The following JADE1 variants were observed in gnomAD, a reference collection of about 807,000 sequenced individuals.
The protein encoded by JADE1 is protein Jade-1.
In JADE1, 14 loss-of-function variants were observed where a neutral mutation model predicts 81.8. That is an observed-to-expected ratio of 0.17 (90% CI 0.11 to 0.27). JADE1 has a LOEUF of 0.27. Among genes scored for constraint, JADE1 ranks in the 10% least tolerant of loss-of-function variants. JADE1 has a pLI of 1.00. For missense variants in JADE1, 690 were observed against 1,047.9 expected (o/e 0.66, Z 4.71); for synonymous variants, 353 against 391.9 (o/e 0.90, Z 1.17).
intron 8 of JADE1, among the ~76,000 whole-genome samples, chr4:128,858,603 A>ATTT (rs201166332): frequency 7.3e-6 from 1 of 137,260 alleles, no homozygotes; most frequent in Non-Finnish European, 1.6e-5. Context: ...TGGTTTTAAA[A>ATTT]TTTTTTTTTT....
At chr4:128,869,602 G>T (rs1732038830) in intron 10 of JADE1, among the ~76,000 whole-genome samples, 3 of 152,190 alleles carry the variant, frequency 2.0e-5, no homozygotes, top group African/African-American at 4.8e-5. Flanking sequence ...ATTGCAGGCA[G>T]GTTTTTGCAT....
chr4:128,840,071 A>G (rs1336816637), intron 2 of JADE1, among the ~76,000 whole-genome samples: 2 of 152,252 alleles, frequency 1.3e-5, no homozygotes, highest in East Asian at 1.9e-4. Context: ...GATACCAAGT[A>G]TGTAGCATCT....
intron 8 of JADE1, among the ~76,000 whole-genome samples, chr4:128,859,335 A>G (rs192300524): frequency 6.2e-4 from 94 of 151,800 alleles, no homozygotes; most frequent in African/African-American, 2.1e-3. Flanking sequence ...TGTATGCTGT[A>G]TGCATGTATG....
At chr4:128,860,968 C>T (rs1014144922) in intron 8 of JADE1, among the ~76,000 whole-genome samples, 30 of 152,162 alleles carry the variant, frequency 2.0e-4, no homozygotes, top group Admixed American at 9.8e-4. Context: ...GTGCTGGATT[C>T]CTCTTGTCTC....
intron 1 of JADE1, among the ~76,000 whole-genome samples, chr4:128,812,744 G>A (rs1322667558): frequency 2.6e-5 from 4 of 152,272 alleles, no homozygotes; most frequent in Non-Finnish European, 5.9e-5. Context: ...TTTAAAAGGA[G>A]CTTTAGCTTG....
intron 8 of JADE1, among the ~76,000 whole-genome samples, chr4:128,860,198 G>A (rs1190424083): frequency 6.6e-6 from 1 of 152,158 alleles, no homozygotes; most frequent in Admixed American, 6.5e-5. Flanking sequence ...AGGTGTGTAT[G>A]TGTGCGTGCT....
At chr4:128,847,232 C>T (rs1729945068) in intron 4 of JADE1, among the ~76,000 whole-genome samples, 1 of 152,212 alleles carries the variant, frequency 6.6e-6, no homozygotes, top group Non-Finnish European at 1.5e-5. Flanking sequence ...GGCTTGAGTG[C>T]CCTCTGTGCT....
intron 1 of JADE1, among the ~76,000 whole-genome samples, chr4:128,830,322 C>T (rs1728443864): frequency 6.6e-6 from 1 of 150,888 alleles, no homozygotes; most frequent in Non-Finnish European, 1.5e-5. Flanking sequence ...CAACCTCCGC[C>T]TCCTGAGTTC....
At chr4:128,819,558 G>A (rs1305807200) in intron 1 of JADE1, among the ~76,000 whole-genome samples, 1 of 152,228 alleles carries the variant, frequency 6.6e-6, no homozygotes, top group Non-Finnish European at 1.5e-5. Flanking sequence ...CAAGTAGGGT[G>A]TATGTGTCAC....
At chr4:128,850,240 G>A (rs1227619585) in intron 5 of JADE1, among the ~76,000 whole-genome samples, 1 of 151,804 alleles carries the variant, frequency 6.6e-6, no homozygotes, top group East Asian at 1.9e-4. Flanking sequence ...GTCACTTGAG[G>A]GGGTGGAGGT....
Position 128,874,760 on chromosome 4 carries a change from C to T in JADE1, c.*2498C>T, listed in dbSNP as rs955813749. ...TTTTTAAGCTTTATCTTTCCTTGTG[C>T]ATCCTGACCAAGAAATATCTTTGAT... On this transcript the variant is annotated 3_prime_UTR_variant, in exon 11 of 11. Transcript: ENST00000226319. 5 of 152,504 alleles carry T rather than the reference C, an allele frequency of 3.3e-5. No individual in the cohort carries two copies. Among genetic ancestry groups the T allele is most frequent in the Admixed American group, 3.3e-4 (5 of 15,270 alleles). The allele number at this position is 152,504 out of a possible 1,614,324, so 9.4% of individuals were successfully genotyped here. A position where few individuals can be genotyped will look rare whatever the true frequency, so the allele number is the denominator to read the frequency against.
intron 9 of JADE1, chr4:128,863,238 A>G (rs1731513227): frequency 2.0e-6 from 2 of 985,566 alleles, no homozygotes; most frequent in Non-Finnish European, 2.4e-6. Flanking sequence ...TGCTCCCTGT[A>G]GGTAGTTTCT....
intron 8 of JADE1, among the ~76,000 whole-genome samples, chr4:128,858,012 G>C (rs1730939644): frequency 6.6e-6 from 1 of 152,186 alleles, no homozygotes. Context: ...GCATCTGTGA[G>C]GAGTTCCTGT....
rs568546429 is a variant in JADE1 at position 128,824,151 on chromosome 4, G to T, written c.-26-7582G>T. On this transcript the variant is annotated intron_variant, in intron 1 of 10. Transcript: ENST00000226319. ...CAGAAAGGAGTGGCAGGGCGCGGTG[G>T]CTCACGCCTGTAATCCCAGCACTTT... Among the ~76,000 whole-genome samples the T allele has an allele frequency of 9.8e-4, 149 of 152,270 alleles. 1 individual carries two copies. Among genetic ancestry groups the T allele is most frequent in the African/African-American group, 3.5e-3 (144 of 41,570 alleles).
chr4:128,847,326 A>T (rs1729953476), intron 4 of JADE1, among the ~76,000 whole-genome samples: 1 of 152,174 alleles, frequency 6.6e-6, no homozygotes, highest in African/African-American at 2.4e-5. Flanking sequence ...GTCATTACTG[A>T]ACTTGCTTCC....
intron 1 of JADE1, among the ~76,000 whole-genome samples, chr4:128,830,332 C>A (rs906070397): frequency 1.3e-5 from 2 of 150,810 alleles, no homozygotes; most frequent in Non-Finnish European, 3.0e-5. Context: ...CTCCTGAGTT[C>A]AAGCGATTCT....
At chr4:128,820,316 T>A (rs1187823155) in intron 1 of JADE1, among the ~76,000 whole-genome samples, 1 of 152,162 alleles carries the variant, frequency 6.6e-6, no homozygotes, top group Non-Finnish European at 1.5e-5. Flanking sequence ...TTCACCATAT[T>A]GGTCAGGCTG....
At chr4:128,866,562 C>G (rs1731794861) in intron 9 of JADE1, among the ~76,000 whole-genome samples, 1 of 152,246 alleles carries the variant, frequency 6.6e-6, no homozygotes, top group Non-Finnish European at 1.5e-5. Context: ...TGTGTCTTCA[C>G]AAGGCTTGTT....
chr4:128,836,407 A>G (rs1728985649), intron 2 of JADE1, among the ~76,000 whole-genome samples: 1 of 152,084 alleles, frequency 6.6e-6, no homozygotes, highest in Non-Finnish European at 1.5e-5. Flanking sequence ...ATGTATATAT[A>G]TAAAATATAC....
Sources: allele counts gnomAD v4.1 joint callset (sites outside exome capture counted in the v4.1 genomes callset), GRCh38; gene constraint gnomAD v4.1.1; transcripts MANE v1.5; gene names NCBI Gene and HGNC (gene_info 2026-07-23, HGNC 2026-07-21).